CARMIL1: variants seen among roughly 807,000 people sequenced by gnomAD.
The protein encoded by CARMIL1 is capping protein regulator and myosin 1 linker 1.
A neutral mutation model predicts 177.1 loss-of-function variants in CARMIL1; 90 were observed. The ratio of observed to expected loss-of-function variants is 0.51; its 90% confidence interval spans 0.43 to 0.61. The LOEUF (loss-of-function observed/expected upper bound fraction) is 0.61. Ranked by LOEUF, CARMIL1 falls within the 20% of genes least tolerant of loss-of-function variation. CARMIL1 has a pLI of 0.00. For synonymous variants in CARMIL1, 577 were observed against 606.2 expected (o/e 0.95, Z 0.71); for missense variants, 1,380 against 1,667.0 (o/e 0.83, Z 3.00).
At chr6:25,494,757 A>G (rs1313718776) in intron 15 of CARMIL1, among the ~76,000 whole-genome samples, 3 of 152,236 alleles carry the variant, frequency 2.0e-5, no homozygotes, top group Admixed American at 2.0e-4. Context: ...ATTTTGTGCC[A>G]CCCAGTGGGA....
chr6:25,619,368 A>G lies in CARMIL1; in HGVS notation c.3980-79A>G, dbSNP rs1039189100. The G allele has an allele frequency of 3.4e-5, 48 of 1,424,344 alleles. No individual in the cohort carries two copies. In the East Asian group the frequency reaches 9.7e-4, roughly 29 times the overall value. The allele number at this position is 1,424,344 out of a possible 1,614,324, so 88.2% of individuals were successfully genotyped here. ...TCCCCTCCCCCAAACCTTCAAGGCTACTGCATCTCAGCCCATTATCAGTCA... is the reference window on the plus strand; with the variant it reads ...TCCCCTCCCCCAAACCTTCAAGGCTGCTGCATCTCAGCCCATTATCAGTCA... On this transcript the variant is annotated intron_variant, in intron 36 of 36. Transcript: ENST00000329474.
chr6:25,386,484 C>G (rs55672111), intron 2 of CARMIL1, among the ~76,000 whole-genome samples: 20,763 of 152,084 alleles, frequency 0.14, 1,640 homozygotes, highest in East Asian at 0.32. Flanking sequence ...CTCAAGTGAT[C>G]CACCTACCTC....
intron 2 of CARMIL1, among the ~76,000 whole-genome samples, chr6:25,361,381 C>T (rs1581685014): frequency 1.3e-5 from 2 of 152,044 alleles, no homozygotes; most frequent in Admixed American, 1.3e-4. Context: ...TACCTTTCCC[C>T]CCCTGCACAC....
chr6:25,368,372 A>G (rs183030003), intron 2 of CARMIL1, among the ~76,000 whole-genome samples: 145 of 152,318 alleles, frequency 9.5e-4, no homozygotes, highest in African/African-American at 3.3e-3. Flanking sequence ...TCCCTGCCCT[A>G]GGAAAAGTAG....
intron 2 of CARMIL1, among the ~76,000 whole-genome samples, chr6:25,397,095 A>G (rs1793472561): frequency 6.6e-6 from 1 of 152,182 alleles, no homozygotes; most frequent in Non-Finnish European, 1.5e-5. Flanking sequence ...ATCATGAGAC[A>G]CTGTCCTGCC....
At chr6:25,432,043 C>T (rs560711275) in intron 4 of CARMIL1, among the ~76,000 whole-genome samples, 1 of 152,292 alleles carries the variant, frequency 6.6e-6, no homozygotes, top group African/African-American at 2.4e-5. Flanking sequence ...GTACCCTTCT[C>T]TCTGTCACAT....
Position 25,449,871 on chromosome 6 carries a change from AATGTGTTGTTGTTGTTG to A in CARMIL1, c.372-24_372-8del. The A allele has an allele frequency of 7.1e-7, 1 of 1,414,644 alleles. No individual in the cohort carries two copies. The highest frequency in any genetic ancestry group is 9.8e-7 in the Non-Finnish European group (1 of 1,021,546). The allele number at this position is 1,414,644 out of a possible 1,614,324, so 87.6% of individuals were successfully genotyped here. A position where few individuals can be genotyped will look rare whatever the true frequency, so the allele number is the denominator to read the frequency against. Reference sequence around the variant, plus strand: ...TGCAGTCAAAAAGTGTGGTTTGTGAAATGTGTTGTTGTTGTTGATCTTACAGGAGAATCATGAAAAAA... The same window carrying A: ...TGCAGTCAAAAAGTGTGGTTTGTGAAATCTTACAGGAGAATCATGAAAAAA... On this transcript the variant is annotated splice_polypyrimidine_tract_variant and intron_variant, in intron 5 of 36. Coordinates refer to ENST00000329474, the MANE Select transcript of CARMIL1 (RefSeq NM_017640.6).
At position 25,558,075 on chromosome 6, in the gene CARMIL1, C is replaced by G. The variant is rs1157474279; in HGVS notation, c.2742+1225C>G. 6.6e-6 allele frequency among the ~76,000 whole-genome samples: 1 copy of G among 152,102 alleles called. No homozygotes were observed. The highest frequency in any genetic ancestry group is 1.5e-5 in the Non-Finnish European group (1 of 68,016). ...AACTTGGTTGTCCATCTTATTATAA[C>G]ATTTATATTTCATAAGTATTTTGAG... On this transcript the variant is annotated intron_variant, in intron 29 of 36. Coordinates refer to ENST00000329474, the MANE Select transcript of CARMIL1 (RefSeq NM_017640.6). The surrounding 1 kb of genome is among the most constrained non-coding windows in gnomAD (Gnocchi z 4.1).
At chr6:25,290,805 C>T (rs371312541) in intron 2 of CARMIL1, among the ~76,000 whole-genome samples, 22 of 152,150 alleles carry the variant, frequency 1.4e-4, no homozygotes, top group African/African-American at 4.6e-4. Context: ...GGCCCCTGAA[C>T]GACAGGGTCT....
At chr6:25,530,860 C>T (rs1178404746) in intron 24 of CARMIL1, among the ~76,000 whole-genome samples, 2 of 152,042 alleles carry the variant, frequency 1.3e-5, no homozygotes, top group African/African-American at 2.4e-5. Context: ...AAGGGATTGG[C>T]GTGTCTTTCT....
intron 36 of CARMIL1, among the ~76,000 whole-genome samples, chr6:25,613,515 G>A (rs1159709815): frequency 6.6e-6 from 1 of 152,154 alleles, no homozygotes; most frequent in Non-Finnish European, 1.5e-5. Context: ...AGTAAATTCT[G>A]TAATGTTCTG....
intron 2 of CARMIL1, among the ~76,000 whole-genome samples, chr6:25,358,378 A>G (rs1788849406): frequency 6.6e-6 from 1 of 152,222 alleles, no homozygotes; most frequent in Non-Finnish European, 1.5e-5. Context: ...TGACGCATAA[A>G]AAGTATATAA....
At chr6:25,614,144 A>G (rs1351610240) in intron 36 of CARMIL1, among the ~76,000 whole-genome samples, 1 of 152,178 alleles carries the variant, frequency 6.6e-6, no homozygotes, top group Non-Finnish European at 1.5e-5. Flanking sequence ...AACATCTACC[A>G]ACTGCCTGCC....
chr6:25,461,732 C>A (rs1034807724), intron 8 of CARMIL1, among the ~76,000 whole-genome samples: 3 of 152,160 alleles, frequency 2.0e-5, no homozygotes, highest in Non-Finnish European at 4.4e-5. Flanking sequence ...ATCTGTTAAA[C>A]CTAATAAGAT....
At chr6:25,564,324 C>A (rs1333997426) in intron 29 of CARMIL1, among the ~76,000 whole-genome samples, 2 of 152,088 alleles carry the variant, frequency 1.3e-5, no homozygotes, top group African/African-American at 4.8e-5. Flanking sequence ...GATTTGGTAC[C>A]CTGGAGAGCC....
intron 8 of CARMIL1, among the ~76,000 whole-genome samples, chr6:25,465,333 A>C (rs1327855171): frequency 6.6e-6 from 1 of 152,132 alleles, no homozygotes; most frequent in Non-Finnish European, 1.5e-5. Flanking sequence ...GTTTGAGACT[A>C]GCCTGGGGAA....
chr6:25,570,045 A>G (rs147983547), intron 29 of CARMIL1, among the ~76,000 whole-genome samples: 4,411 of 151,968 alleles, frequency 0.029, 103 homozygotes, highest in Admixed American at 0.071. Context: ...GCTCACTGCA[A>G]GCTCCGCCTC....
intron 2 of CARMIL1, among the ~76,000 whole-genome samples, chr6:25,369,374 A>ATTTTTT (rs1364472995): frequency 1.0e-5 from 1 of 96,008 alleles, no homozygotes; most frequent in Non-Finnish European, 2.1e-5. Context: ...GCAATGCTGT[A>ATTTTTT]TTTTGTTTTT....
intron 2 of CARMIL1, among the ~76,000 whole-genome samples, chr6:25,380,253 T>C (rs1332621724): frequency 2.0e-5 from 3 of 152,324 alleles, no homozygotes; most frequent in East Asian, 3.9e-4. Context: ...TAGTATTATA[T>C]GATACTCTAA....
Sources: allele counts gnomAD v4.1 joint callset (sites outside exome capture counted in the v4.1 genomes callset), GRCh38; gene constraint gnomAD v4.1.1; non-coding constraint Gnocchi (gnomAD v3.1); transcripts MANE v1.5; gene names NCBI Gene and HGNC (gene_info 2026-07-23, HGNC 2026-07-21).